Variants in CDH12 observed in about 807,000 individuals in gnomAD.
CDH12 encodes cadherin-12.
In CDH12, 41 loss-of-function variants were observed where a neutral mutation model predicts 74.1. The observed-to-expected ratio is 0.55, with a 90% CI of 0.43 to 0.72. The LOEUF is 0.72. Ranked by LOEUF, CDH12 falls within the 30% of genes least tolerant of loss-of-function variation. The pLI is 0.00. For synonymous variants in CDH12, 399 were observed against 355.0 expected (o/e 1.12, Z -1.39); for missense variants, 945 against 977.2 (o/e 0.97, Z 0.44).
At chr5:22,381,164 A>G (rs1741744070) in intron 3 of CDH12, among the ~76,000 whole-genome samples, 2 of 152,020 alleles carry the variant, frequency 1.3e-5, no homozygotes, top group Admixed American at 6.5e-5. Flanking sequence ...GAAACATGTC[A>G]TTTTTATATA....
chr5:22,665,921 T>A (rs1740588512), intron 1 of CDH12, among the ~76,000 whole-genome samples: 2 of 152,152 alleles, frequency 1.3e-5, no homozygotes, highest in African/African-American at 4.8e-5. Flanking sequence ...TATTTCTTTT[T>A]TTTTCTTATG....
At chr5:22,066,158 T>G (rs918003183) in intron 5 of CDH12, among the ~76,000 whole-genome samples, 4 of 152,154 alleles carry the variant, frequency 2.6e-5, no homozygotes, top group African/African-American at 7.2e-5. Flanking sequence ...GTTTCTAATT[T>G]TTTTTAATTT....
chr5:22,390,716 T>C (rs1044361524), intron 3 of CDH12, among the ~76,000 whole-genome samples: 8 of 152,172 alleles, frequency 5.3e-5, no homozygotes, highest in Admixed American at 5.2e-4. Flanking sequence ...GCTGTATTAA[T>C]AGTGGGAAAG....
intron 1 of CDH12, among the ~76,000 whole-genome samples, chr5:22,714,065 A>G (rs1743438080): frequency 6.6e-6 from 1 of 151,666 alleles, no homozygotes; most frequent in African/African-American, 2.4e-5. Flanking sequence ...CAATCACCTC[A>G]CTAACAACTT....
chr5:21,990,328 TAA>T (rs1163793507), intron 5 of CDH12, among the ~76,000 whole-genome samples: 2 of 152,012 alleles, frequency 1.3e-5, no homozygotes, highest in South Asian at 2.1e-4. Context: ...GTATACAACA[TAA>T]AAAGAGTTAA....
intron 2 of CDH12, among the ~76,000 whole-genome samples, chr5:22,443,204 G>T (rs1347016793): frequency 5.3e-5 from 8 of 152,096 alleles, no homozygotes; most frequent in Admixed American, 4.6e-4. Context: ...GTACGTTTTT[G>T]TATGTGTGAT....
At chr5:22,708,921 C>G (rs897342822) in intron 1 of CDH12, among the ~76,000 whole-genome samples, 66 of 152,262 alleles carry the variant, frequency 4.3e-4, no homozygotes, top group Admixed American at 1.4e-3. Context: ...AGCGCCGCCA[C>G]CCTGTGGTCA....
At chr5:22,064,457 G>T (rs1208697925) in intron 5 of CDH12, among the ~76,000 whole-genome samples, 1 of 152,066 alleles carries the variant, frequency 6.6e-6, no homozygotes, top group East Asian at 1.9e-4. Context: ...TACTGGTTTT[G>T]GGATTTCTGG....
intron 6 of CDH12, among the ~76,000 whole-genome samples, chr5:21,897,543 A>G (rs1456382626): frequency 1.3e-5 from 2 of 152,218 alleles, no homozygotes; most frequent in Non-Finnish European, 2.9e-5. Context: ...GTTACTCAAA[A>G]TGAAACTGAC....
rs547262106 is a variant in CDH12 at position 22,232,494 on chromosome 5, T to C, written c.-332-19851A>G. Among the ~76,000 whole-genome samples the C allele has an allele frequency of 5.3e-5, 8 of 152,068 alleles. No homozygotes were observed. In the South Asian group the frequency reaches 1.0e-3, roughly 20 times the overall value. The stretch of plus-strand genomic sequence containing the variant: ...TAACTGCATAATTAACACAGAATCA[T>C]TGCATCTAGCAACGATCTTTGGGAT... On this transcript the variant is annotated intron_variant, in intron 3 of 14. Transcript: ENST00000382254.
chr5:22,812,874 T>G (rs1448798027), intron 1 of CDH12, among the ~76,000 whole-genome samples: 1 of 151,472 alleles, frequency 6.6e-6, no homozygotes, highest in East Asian at 1.9e-4. Context: ...TACAGCATAA[T>G]GACCACTGGT....
Position 22,376,173 on chromosome 5 carries a change from A to C in CDH12, c.-333+29084T>G, listed in dbSNP as rs568756778. Among the ~76,000 whole-genome samples, 16 of 152,330 alleles carry C rather than the reference A, an allele frequency of 1.1e-4. No homozygotes were observed. In the South Asian group the frequency reaches 3.3e-3, roughly 32 times the overall value. On this transcript the variant is annotated intron_variant, in intron 3 of 14. Coordinates refer to ENST00000382254, the MANE Select transcript of CDH12 (RefSeq NM_004061.5). The stretch of plus-strand genomic sequence containing the variant: ...AGCAGCATGGATGGAACCAGAGGTC[A>C]TTATGTTAAGTGAGAAAAGCTAGGC...
intron 1 of CDH12, among the ~76,000 whole-genome samples, chr5:22,645,242 A>G (rs535910312): frequency 6.6e-6 from 1 of 152,240 alleles, no homozygotes; most frequent in Admixed American, 6.5e-5. Flanking sequence ...AAGAATATTC[A>G]TGATCCATGA....
chr5:22,243,294 A>C (rs1403897300), intron 3 of CDH12, among the ~76,000 whole-genome samples: 1 of 152,230 alleles, frequency 6.6e-6, no homozygotes, highest in Non-Finnish European at 1.5e-5. Context: ...TTACTCAACA[A>C]GTAACAGAAT....
At chr5:22,330,103 T>C (rs1053657760) in intron 3 of CDH12, among the ~76,000 whole-genome samples, 13 of 152,160 alleles carry the variant, frequency 8.5e-5, no homozygotes, top group Admixed American at 8.5e-4. Flanking sequence ...TCCTTCTTTC[T>C]GCTTAAGGAG....
At chr5:21,873,229 T>C (rs1751740573) in intron 6 of CDH12, among the ~76,000 whole-genome samples, 1 of 152,178 alleles carries the variant, frequency 6.6e-6, no homozygotes, top group South Asian at 2.1e-4. Context: ...TATACCTCCA[T>C]GTACATTAGA....
chr5:22,485,167 G>A (rs1161923906), intron 2 of CDH12, among the ~76,000 whole-genome samples: 1 of 127,238 alleles, frequency 7.9e-6, no homozygotes, highest in Non-Finnish European at 1.6e-5. Context: ...TTGGTATACT[G>A]CACAAGCTTT....
intron 3 of CDH12, among the ~76,000 whole-genome samples, chr5:22,363,811 T>A (rs961463630): frequency 1.2e-4 from 19 of 152,366 alleles, no homozygotes; most frequent in African/African-American, 4.3e-4. Context: ...AATGCCTGCA[T>A]CATCTTCAGT....
chr5:21,844,992 GAGGTAGGTAGATAGAT>G (rs1750080969), intron 7 of CDH12, among the ~76,000 whole-genome samples: 1 of 107,718 alleles, frequency 9.3e-6, no homozygotes, highest in Non-Finnish European at 1.9e-5. Context: ...TGAGACTACT[GAGGTAGGTAGATAGAT>G]AGATAGATAG....
Sources: allele counts gnomAD v4.1 joint callset (sites outside exome capture counted in the v4.1 genomes callset), GRCh38; gene constraint gnomAD v4.1.1; transcripts MANE v1.5; gene names NCBI Gene and HGNC (gene_info 2026-07-23, HGNC 2026-07-21).